The following CEP63 variants were observed in gnomAD, a reference collection of about 807,000 sequenced individuals.
CEP63 encodes centrosomal protein of 63 kDa.
Under a neutral mutation model 89.1 loss-of-function variants are expected in CEP63, and 84 were observed. The observed-to-expected ratio is 0.94, with a 90% CI of 0.79 to 1.13. The LOEUF (loss-of-function observed/expected upper bound fraction) is 1.13, where lower values mean the gene tolerates loss of function less well. Among genes scored for constraint, CEP63 ranks in the 50% most tolerant of loss-of-function variants. The pLI is 0.00. For synonymous variants in CEP63, 267 were observed against 272.5 expected (o/e 0.98, Z 0.20); for missense variants, 838 against 813.3 (o/e 1.03, Z -0.37).
At chr3:134,496,925 C>A (rs927655175) in intron 2 of CEP63, among the ~76,000 whole-genome samples, 9 of 152,086 alleles carry the variant, frequency 5.9e-5, no homozygotes, top group Non-Finnish European at 1.2e-4. Flanking sequence ...TGTCCACATC[C>A]CCCCCAGCAT....
the CEP63 span, among the ~76,000 whole-genome samples, chr3:134,626,731 C>T: frequency 6.8e-4 from 104 of 152,300 alleles, no homozygotes; most frequent in African/African-American, 2.5e-3. Context: ...GAGGCAATGC[C>T]CACTTATTGG....
the CEP63 span, chr3:134,643,373 A>T: frequency 6.2e-7 from 1 of 1,613,722 alleles, no homozygotes; most frequent in African/African-American, 1.3e-5. Flanking sequence ...TTCTCCACCA[A>T]GTTTTCTATT....
chr3:134,543,209 T>C (rs1000755687), intron 6 of CEP63, among the ~76,000 whole-genome samples: 1 of 152,186 alleles, frequency 6.6e-6, no homozygotes, highest in Non-Finnish European at 1.5e-5. Context: ...TATTACAACA[T>C]TTACTTTACA....
intron 6 of CEP63, among the ~76,000 whole-genome samples, chr3:134,541,071 C>T (rs889919497): frequency 6.6e-6 from 1 of 152,116 alleles, no homozygotes; most frequent in African/African-American, 2.4e-5. Flanking sequence ...CGTGAACCAT[C>T]GCACCTGGCC....
chr3:134,568,621 T>C (rs1957884495), downstream of CEP63, among the ~76,000 whole-genome samples: 1 of 152,216 alleles, frequency 6.6e-6, no homozygotes, highest in Non-Finnish European at 1.5e-5. Flanking sequence ...ATTGGTGATA[T>C]GTTCAACCTG....
At chr3:134,626,649 G>C in the CEP63 span, among the ~76,000 whole-genome samples, 3 of 152,202 alleles carry the variant, frequency 2.0e-5, no homozygotes, top group Non-Finnish European at 4.4e-5. Context: ...GAGAAGGTGG[G>C]GAGGGGTGTG....
At chr3:134,618,190 C>A in the CEP63 span, among the ~76,000 whole-genome samples, 5 of 152,204 alleles carry the variant, frequency 3.3e-5, no homozygotes, top group South Asian at 1.0e-3. Flanking sequence ...GTGATGGGGG[C>A]AGGAGGCAGC....
intron 3 of CEP63, 48 bp from the exon 4 acceptor site, chr3:134,531,797 T>C (rs765125283): frequency 7.8e-7 from 1 of 1,286,006 alleles, no homozygotes; most frequent in Admixed American, 1.7e-5. Flanking sequence ...CTCAGGGATG[T>C]TATTTCAATG....
chr3:134,707,740 T>TTTTC, the CEP63 span, among the ~76,000 whole-genome samples: 151 of 1,104 alleles, frequency 0.14, 1 homozygote, highest in South Asian at 0.35. Flanking sequence ...GATTCTTTTC[T>TTTTC]TTTTTTTTTT....
downstream of CEP63, among the ~76,000 whole-genome samples, chr3:134,568,458 C>G (rs1456921814): frequency 6.6e-6 from 1 of 152,200 alleles, no homozygotes; most frequent in Non-Finnish European, 1.5e-5. Flanking sequence ...CCTGTGTAAC[C>G]CAACAGGGCA....
chr3:134,771,737 T>A, the CEP63 span, among the ~76,000 whole-genome samples: 1 of 152,212 alleles, frequency 6.6e-6, no homozygotes, highest in African/African-American at 2.4e-5. Flanking sequence ...TATACCTATG[T>A]AACAAACCCA....
the CEP63 span, among the ~76,000 whole-genome samples, chr3:134,743,339 C>G: frequency 6.6e-6 from 1 of 152,134 alleles, no homozygotes; most frequent in African/African-American, 2.4e-5. Context: ...GCACAGGGAA[C>G]CTCCTTCAAA....
chr3:134,588,452 C>A (rs536013718), downstream of CEP63, among the ~76,000 whole-genome samples: 1 of 151,822 alleles, frequency 6.6e-6, no homozygotes, highest in Admixed American at 6.6e-5. Context: ...TCTAAGTGTT[C>A]GGAAATTAGG....
the CEP63 span, among the ~76,000 whole-genome samples, chr3:134,778,569 G>GT: frequency 4.0e-5 from 6 of 151,342 alleles, no homozygotes; most frequent in Admixed American, 2.6e-4. Flanking sequence ...TTTCTGTTTT[G>GT]TTTTTTTGAG....
chr3:134,557,471 T>A (rs528589510), intron 12 of CEP63, among the ~76,000 whole-genome samples: 156 of 147,244 alleles, frequency 1.1e-3, no homozygotes, highest in African/African-American at 3.9e-3. Context: ...ATAATACTAA[T>A]TAAAATATTT....
At chr3:134,644,794 C>CA in the CEP63 span, among the ~76,000 whole-genome samples, 6 of 152,216 alleles carry the variant, frequency 3.9e-5, no homozygotes, top group Non-Finnish European at 4.4e-5. Context: ...ATCCACCTGA[C>CA]AGAGTCCTGC....
At chr3:134,715,364 C>T in the CEP63 span, among the ~76,000 whole-genome samples, 10,982 of 151,420 alleles carry the variant, frequency 0.073, 724 homozygotes, top group African/African-American at 0.18. Flanking sequence ...AGTCACCTAG[C>T]GATGAATTGC....
the CEP63 span, among the ~76,000 whole-genome samples, chr3:134,670,987 T>TA: frequency 8.2e-4 from 125 of 152,322 alleles, no homozygotes; most frequent in Admixed American, 2.6e-4. Flanking sequence ...TGTCTACAGA[T>TA]ACATACATTT....
At chr3:134,692,462 A>G in the CEP63 span, among the ~76,000 whole-genome samples, 263 of 152,018 alleles carry the variant, frequency 1.7e-3, no homozygotes, top group African/African-American at 6.0e-3. Context: ...TTATGGCTGC[A>G]TAGTATTCCA....
Sources: gnomAD v4.1 joint callset for allele counts (sites outside exome capture counted in the v4.1 genomes callset) on GRCh38, gnomAD v4.1.1 for gene constraint, MANE v1.5 for transcripts, NCBI Gene and HGNC (gene_info 2026-07-23, HGNC 2026-07-21) for gene names.